CPQ: variants seen among roughly 807,000 people sequenced by gnomAD.
The protein encoded by CPQ is Ser-Met dipeptidase.
A neutral mutation model predicts 45.7 loss-of-function variants in CPQ; 37 were observed. The ratio of observed to expected loss-of-function variants is 0.81; its 90% CI spans 0.62 to 1.07. The LOEUF is 1.07. CPQ is among the 50% of genes least tolerant of loss of function. The pLI, the probability that CPQ is intolerant of heterozygous loss-of-function variation, is 0.00. For synonymous variants in CPQ, 186 were observed against 205.8 expected, an observed-to-expected ratio of 0.90 and a Z score of 0.82; for missense variants, 537 against 572.9, an observed-to-expected ratio of 0.94 and a Z score of 0.64.
intron 1 of CPQ, among the ~76,000 whole-genome samples, chr8:96,701,890 C>G (rs1809467160): frequency 6.6e-6 from 1 of 152,302 alleles, no homozygotes; most frequent in South Asian, 2.1e-4. Flanking sequence ...TCACTCATCC[C>G]TTCTACTAAT....
At chr8:96,846,837 A>G (rs1001105830) in intron 3 of CPQ, among the ~76,000 whole-genome samples, 15 of 152,186 alleles carry the variant, frequency 9.9e-5, no homozygotes, top group Admixed American at 7.2e-4. Context: ...CCATAATCCA[A>G]TCAAGGACAT....
chr8:96,858,218 C>T (rs1309518849), intron 3 of CPQ, among the ~76,000 whole-genome samples: 1 of 152,080 alleles, frequency 6.6e-6, no homozygotes, highest in East Asian at 1.9e-4. Flanking sequence ...TTAATACTTC[C>T]TGGGGGGAAT....
At chr8:96,881,484 A>G (rs987427608) in intron 4 of CPQ, among the ~76,000 whole-genome samples, 2 of 152,140 alleles carry the variant, frequency 1.3e-5, no homozygotes, top group Admixed American at 1.3e-4. Flanking sequence ...TAATCCAATC[A>G]CCTCTCACCA....
intron 6 of CPQ, chr8:97,055,674 A>G (rs1810443741): frequency 6.6e-6 from 1 of 152,194 alleles, no homozygotes. Flanking sequence ...TAGAGCCAAC[A>G]AGATTTGTTG....
chr8:96,660,548 A>G (rs1815687770), intron 1 of CPQ, among the ~76,000 whole-genome samples: 2 of 152,152 alleles, frequency 1.3e-5, no homozygotes, highest in Non-Finnish European at 2.9e-5. Flanking sequence ...TCACCTAGGA[A>G]GATTTAGAAA....
At chr8:97,095,824 G>A (rs1811202050) in intron 7 of CPQ, among the ~76,000 whole-genome samples, 1 of 151,876 alleles carries the variant, frequency 6.6e-6, no homozygotes, top group South Asian at 2.1e-4. Context: ...TCTCCCTTTA[G>A]TATCTAAGGC....
intron 7 of CPQ, among the ~76,000 whole-genome samples, chr8:97,078,780 TCTCTCTCTCTCTCTCTCTCTCTCTCTCC>T (rs1248173276): frequency 2.8e-5 from 4 of 140,948 alleles, no homozygotes; most frequent in African/African-American, 1.2e-4. Flanking sequence ...TCTCTCTCTC[TCTCTCTCTCTCTCTCTCTCTCTCTCTCC>T]CTCTCTCCTT....
At position 96,880,576 on chromosome 8, in the gene CPQ, T is replaced by TAC. The variant is rs1554575283; in HGVS notation, c.849+572_849+573dup. Among the ~76,000 whole-genome samples the TAC allele has an allele frequency of 4.3e-4, 36 of 83,188 alleles. 3 individuals carry two copies. Among genetic ancestry groups the TAC allele is most frequent in the Admixed American group, 4.1e-4 (3 of 7,264 alleles). The allele number at this position is 83,188 out of a possible 152,430, so 54.6% of individuals were successfully genotyped here. On this transcript the variant is annotated intron_variant, in intron 4 of 7. Coordinates refer to ENST00000220763, the MANE Select transcript of CPQ (RefSeq NM_016134.4). ...ATATATATATATATATATATATATA[T>TAC]ACCATGGAATACTACCCAGCCATAG... is the stretch of plus-strand genomic sequence containing the variant.
intron 1 of CPQ, among the ~76,000 whole-genome samples, chr8:96,776,362 G>A (rs1382651899): frequency 6.6e-6 from 1 of 152,146 alleles, no homozygotes; most frequent in East Asian, 1.9e-4. Flanking sequence ...GTTCAGGAAT[G>A]GAGGGTTTAG....
At chr8:96,931,924 T>G (rs1438174346) in intron 4 of CPQ, among the ~76,000 whole-genome samples, 2 of 151,772 alleles carry the variant, frequency 1.3e-5, no homozygotes, top group African/African-American at 4.9e-5. Flanking sequence ...CCCTCTGGAC[T>G]ATTTCCCTTT....
At chr8:97,046,990 T>C (rs1586513574) in intron 6 of CPQ, among the ~76,000 whole-genome samples, 1 of 152,180 alleles carries the variant, frequency 6.6e-6, no homozygotes, top group Non-Finnish European at 1.5e-5. Flanking sequence ...GATTTTTGTT[T>C]TGATAGATTT....
intron 1 of CPQ, among the ~76,000 whole-genome samples, chr8:96,647,372 A>G (rs1435660598): frequency 1.3e-5 from 2 of 152,198 alleles, no homozygotes; most frequent in Non-Finnish European, 2.9e-5. Context: ...TACAAAGCTG[A>G]TATTTATGGG....
At chr8:96,837,300 C>G (rs1363256488) in intron 3 of CPQ, among the ~76,000 whole-genome samples, 1 of 152,198 alleles carries the variant, frequency 6.6e-6, no homozygotes, top group Admixed American at 6.5e-5. Context: ...TTCATTTGCT[C>G]TTCAGACTAT....
At chr8:96,901,259 C>T (rs1010468463) in intron 4 of CPQ, among the ~76,000 whole-genome samples, 2 of 152,198 alleles carry the variant, frequency 1.3e-5, no homozygotes, top group Admixed American at 6.5e-5. Flanking sequence ...CAGAGCTGCT[C>T]ATGGGGTCAG....
chr8:97,005,867 A>C (rs1353900586), intron 5 of CPQ, among the ~76,000 whole-genome samples: 4 of 152,198 alleles, frequency 2.6e-5, no homozygotes, highest in Non-Finnish European at 1.5e-5. Context: ...ACTCCAGAGG[A>C]AATTTTTTTA....
At chr8:97,139,794 A>T (rs1200768051) in intron 7 of CPQ, among the ~76,000 whole-genome samples, 1 of 152,068 alleles carries the variant, frequency 6.6e-6, no homozygotes, top group East Asian at 1.9e-4. Context: ...ACGTCTGCAG[A>T]GTAATAAACT....
At chr8:96,889,273 A>T (rs996163431) in intron 4 of CPQ, among the ~76,000 whole-genome samples, 1 of 152,230 alleles carries the variant, frequency 6.6e-6, no homozygotes, top group Non-Finnish European at 1.5e-5. Flanking sequence ...CAGCCAGAAG[A>T]TAATAGAGTT....
At chr8:96,849,002 G>A (rs1002122006) in intron 3 of CPQ, among the ~76,000 whole-genome samples, 2 of 152,138 alleles carry the variant, frequency 1.3e-5, no homozygotes, top group African/African-American at 2.4e-5. Context: ...TCAATAAACT[G>A]TAGTTTTGTA....
intron 4 of CPQ, among the ~76,000 whole-genome samples, chr8:96,894,701 A>T (rs547666599): frequency 1.6e-3 from 251 of 152,296 alleles, no homozygotes; most frequent in African/African-American, 5.6e-3. Flanking sequence ...TTACTTCAAA[A>T]TTTTTTTAAA....
Sources: allele counts gnomAD v4.1 joint callset (sites outside exome capture counted in the v4.1 genomes callset), GRCh38; gene constraint gnomAD v4.1.1; transcripts MANE v1.5; gene names NCBI Gene and HGNC (gene_info 2026-07-23, HGNC 2026-07-21).